KATNAL1: variants seen among roughly 807,000 people sequenced by gnomAD.
KATNAL1 encodes the protein katanin catalytic subunit A1 like 1.
In KATNAL1, 32 loss-of-function variants were observed where a neutral mutation model predicts 55.2. That is an observed-to-expected ratio of 0.58 (90% CI 0.44 to 0.78). The LOEUF (loss-of-function observed/expected upper bound fraction) is 0.78, where lower values mean the gene tolerates loss of function less well. Among genes scored for constraint, KATNAL1 ranks in the 30% least tolerant of loss-of-function variants. The pLI is 0.00. For synonymous variants in KATNAL1, 193 were observed against 193.6 expected, an observed-to-expected ratio of 1.00 and a Z score of 0.02; for missense variants, 466 against 600.9, an observed-to-expected ratio of 0.78 and a Z score of 2.35.
intron 3 of KATNAL1, among the ~76,000 whole-genome samples, chr13:30,256,643 A>C (rs964993415): frequency 2.0e-5 from 3 of 152,222 alleles, no homozygotes; most frequent in Non-Finnish European, 2.9e-5. Context: ...CAAAGATAGG[A>C]AAATGGATAA....
intron 3 of KATNAL1, among the ~76,000 whole-genome samples, chr13:30,274,907 G>GCGCGCGCGCGCGCGCACACACACACA (rs869107567): frequency 9.5e-6 from 1 of 105,390 alleles, no homozygotes; most frequent in Non-Finnish European, 1.9e-5. Flanking sequence ...GCGCGCGCGC[G>GCGCGCGCGCGCGCGCACACACACACA]CACACACACA....
intron 1 of KATNAL1, among the ~76,000 whole-genome samples, chr13:30,302,082 G>A (rs1882893717): frequency 6.6e-6 from 1 of 152,136 alleles, no homozygotes; most frequent in Admixed American, 6.5e-5. Flanking sequence ...ATGTTGCCCA[G>A]GCAACTTGTC....
At chr13:30,251,716 T>C (rs1435469806) in intron 4 of KATNAL1, among the ~76,000 whole-genome samples, 2 of 152,180 alleles carry the variant, frequency 1.3e-5, no homozygotes, top group African/African-American at 2.4e-5. Context: ...AGAAAAAATA[T>C]AGCTTAAAAG....
chr13:30,231,547 T>A (rs751844644), intron 6 of KATNAL1, 75 bp from the exon 7 acceptor site: 10 of 932,324 alleles, frequency 1.1e-5, no homozygotes, highest in Non-Finnish European at 1.5e-5. Context: ...CAGCTATTAA[T>A]GTACATTGAG....
chr13:30,249,581 A>C (rs1878111853), intron 4 of KATNAL1, among the ~76,000 whole-genome samples: 2 of 152,240 alleles, frequency 1.3e-5, no homozygotes, highest in Non-Finnish European at 2.9e-5. Flanking sequence ...TATATACAAC[A>C]CCATGAAATA....
At chr13:30,299,045 T>C (rs1036711956) in intron 1 of KATNAL1, among the ~76,000 whole-genome samples, 6 of 152,144 alleles carry the variant, frequency 3.9e-5, no homozygotes, top group African/African-American at 1.2e-4. Context: ...ACAAATTATA[T>C]ACAAAGGAAA....
chr13:30,240,094 A>T (rs1246666942), intron 6 of KATNAL1, among the ~76,000 whole-genome samples: 2 of 150,916 alleles, frequency 1.3e-5, no homozygotes, highest in Non-Finnish European at 2.9e-5. Context: ...GAAATATTCC[A>T]ACTTTTGAAA....
rs115343057 is a variant in KATNAL1 at position 30,252,358 on chromosome 13, C to T, written c.492+3089G>A. ...TATTAGTTGTTCCATCATACAGTTC[C>T]CAACACCAAATTAAAAATCCAAAAA... On this transcript the variant is annotated intron_variant, in intron 4 of 10. Coordinates refer to ENST00000380615, the MANE Select transcript of KATNAL1 (RefSeq NM_032116.5). 5.0e-3 allele frequency among the ~76,000 whole-genome samples: 762 copies of T among 152,234 alleles called. 10 individuals are homozygous for T. Among genetic ancestry groups the T allele is most frequent in the African/African-American group, 0.017 (699 of 41,540 alleles).
intron 3 of KATNAL1, among the ~76,000 whole-genome samples, chr13:30,261,094 C>A (rs1156920191): frequency 2.9e-4 from 44 of 151,828 alleles, no homozygotes; most frequent in Non-Finnish European, 5.6e-4. Context: ...AATTTTCAAC[C>A]CAGAATTTCA....
chr13:30,218,269 C>T (rs536559942), intron 9 of KATNAL1, among the ~76,000 whole-genome samples: 4 of 149,938 alleles, frequency 2.7e-5, no homozygotes, highest in South Asian at 2.1e-4. Context: ...AGAGTCACCC[C>T]GAGTTGAAAG....
At chr13:30,275,814 G>GTA (rs1165071869) in intron 3 of KATNAL1, among the ~76,000 whole-genome samples, 1 of 151,962 alleles carries the variant, frequency 6.6e-6, no homozygotes, top group Non-Finnish European at 1.5e-5. Flanking sequence ...TAATCAACCT[G>GTA]TATACCTTAA....
intron 4 of KATNAL1, among the ~76,000 whole-genome samples, chr13:30,254,730 A>T (rs895061962): frequency 6.6e-6 from 1 of 152,220 alleles, no homozygotes; most frequent in Non-Finnish European, 1.5e-5. Flanking sequence ...TTACATTATC[A>T]TTCATTTATG....
intron 4 of KATNAL1, among the ~76,000 whole-genome samples, chr13:30,241,906 C>A (rs751211479): frequency 1.3e-4 from 20 of 152,088 alleles, no homozygotes; most frequent in Non-Finnish European, 2.2e-4. Flanking sequence ...GTACTTCACC[C>A]AAAAAAATAA....
rs1407013696 is a variant in KATNAL1 at position 30,210,306 on chromosome 13, A to G, written c.1274+10T>C. On this transcript the variant is annotated intron_variant, in intron 10 of 10. Coordinates refer to ENST00000380615, the MANE Select transcript of KATNAL1 (RefSeq NM_032116.5). ...CTAATGTCTAAAATCACAGATCATT[A>G]AAAAAATACCTGCAAACATTAGTGA... is the stretch of plus-strand genomic sequence containing the variant. The G allele has an allele frequency of 1.2e-5, 19 of 1,574,938 alleles. No individual in the cohort carries two copies. The highest frequency in any genetic ancestry group is 1.9e-5 in the Admixed American group (1 of 51,692).
In KATNAL1 at chr13:30,231,398, T is replaced by C; in HGVS notation, c.801A>G (p.Thr267=). ...LAKAVATECG[T]TFFNVSSSTL... is the part of the protein sequence containing the mutation. The stretch of plus-strand genomic sequence containing the variant: ...TAGAAGACGAAACGTTGAAGAATGT[T>C]GTACCACATTCAGTGGCAACAGCTT... Residue 267 remains threonine, a synonymous_variant, in exon 7 of 11, where the codon ACA becomes ACG. Transcript: ENST00000380615. The C allele has an allele frequency of 6.2e-7, 1 of 1,609,276 alleles. No homozygotes were observed. Among genetic ancestry groups the C allele is most frequent in the Non-Finnish European group, 8.5e-7 (1 of 1,177,446 alleles).
At chr13:30,280,815 A>G (rs1881224691) in intron 2 of KATNAL1, among the ~76,000 whole-genome samples, 1 of 152,190 alleles carries the variant, frequency 6.6e-6, no homozygotes, top group African/African-American at 2.4e-5. Flanking sequence ...TTTCAAAGAC[A>G]AGATTTTTCC....
intron 9 of KATNAL1, among the ~76,000 whole-genome samples, chr13:30,218,204 G>GAA (rs1874490493): frequency 2.4e-4 from 10 of 41,182 alleles, no homozygotes; most frequent in African/African-American, 9.6e-4. Flanking sequence ...GCAGTAAAAG[G>GAA]AATATATATA....
chr13:30,239,162 C>A (rs1488658591), intron 6 of KATNAL1, among the ~76,000 whole-genome samples: 1 of 152,150 alleles, frequency 6.6e-6, no homozygotes, highest in Non-Finnish European at 1.5e-5. Context: ...GTAATCCCAG[C>A]ACTTCGGGAG....
chr13:30,246,981 C>T (rs866727564), intron 4 of KATNAL1, among the ~76,000 whole-genome samples: 1 of 152,156 alleles, frequency 6.6e-6, no homozygotes, highest in African/African-American at 2.4e-5. Flanking sequence ...CAATGTGCCA[C>T]GTATTGTTCT....
Sources: allele counts gnomAD v4.1 joint callset (sites outside exome capture counted in the v4.1 genomes callset), GRCh38; gene constraint gnomAD v4.1.1; transcripts MANE v1.5; gene names NCBI Gene and HGNC (gene_info 2026-07-23, HGNC 2026-07-21).